C20orf203: variants seen among roughly 807,000 people sequenced by gnomAD.
C20orf203 encodes uncharacterized protein C20orf203.
C20orf203 carries 16 observed loss-of-function variants against 15.9 expected under a neutral mutation model. The observed-to-expected ratio is 1.01, with a 90% CI of 0.68 to 1.53. The LOEUF (loss-of-function observed/expected upper bound fraction) is 1.53, where lower values mean the gene tolerates loss of function less well. C20orf203 is among the 40% of genes most tolerant of loss of function. C20orf203 has a pLI of 0.00. For synonymous variants in C20orf203, 98 were observed against 97.2 expected (o/e 1.01, Z -0.05); for missense variants, 263 against 247.5 (o/e 1.06, Z -0.42).
rs886702941 is a variant in C20orf203 at position 32,670,070 on chromosome 20, C to T, written c.-264+3562G>A. 5.9e-5 allele frequency among the ~76,000 whole-genome samples: 9 copies of T among 152,076 alleles called. No individual in the cohort carries two copies. In the East Asian group the frequency reaches 7.7e-4, roughly 13 times the overall value. On this transcript the variant is annotated intron_variant, in intron 1 of 5. Transcript: ENST00000608990. ...TACAAAACTTAGCTGGGCATGGTGG[C>T]GTGTGCCTGTAATCCCATAATCCCA...
At position 32,637,040 on chromosome 20, in the gene C20orf203, G is replaced by A. The variant is rs6058771; in HGVS notation, c.*1300-2770C>T. Among the ~76,000 whole-genome samples the A allele has an allele frequency of 4.9e-3, 745 of 152,310 alleles. 5 individuals are homozygous for A. Among genetic ancestry groups the A allele is most frequent in the African/African-American group, 0.016 (680 of 41,558 alleles). On this transcript the variant is annotated intron_variant, in intron 5 of 5. Coordinates refer to ENST00000608990, the MANE Select transcript of C20orf203 (RefSeq NM_182584.4). ...GGCTGCTCTCTACCTCCCCAACCCT[G>A]CCAAGGCCAGGCCACAGAAGAGGCC...
At chr20:32,652,350 C>T (rs980956403) in intron 1 of C20orf203, among the ~76,000 whole-genome samples, 1 of 100,346 alleles carries the variant, frequency 1.0e-5, no homozygotes, top group Admixed American at 9.5e-5. Flanking sequence ...AAAAAAAAAG[C>T]AAATACCCCT....
At chr20:32,639,772 C>T (rs1429703621) in intron 5 of C20orf203, among the ~76,000 whole-genome samples, 1 of 152,040 alleles carries the variant, frequency 6.6e-6, no homozygotes, top group African/African-American at 2.4e-5. Context: ...CCACCTTGGC[C>T]ACTGCCCCCC....
chr20:32,671,496 A>G (rs1355945537), intron 1 of C20orf203, among the ~76,000 whole-genome samples: 1 of 152,180 alleles, frequency 6.6e-6, no homozygotes, highest in Non-Finnish European at 1.5e-5. Flanking sequence ...AAAGTAGAAG[A>G]AAGAAAAAAA....
At chr20:32,646,257 A>T (rs1276611596) in intron 4 of C20orf203, among the ~76,000 whole-genome samples, 3 of 149,326 alleles carry the variant, frequency 2.0e-5, no homozygotes, top group Non-Finnish European at 4.4e-5. Flanking sequence ...TTTTTGAGAC[A>T]GAGTCTGGCT....
At chr20:32,668,239 A>T (rs977250882) in intron 1 of C20orf203, among the ~76,000 whole-genome samples, 2 of 152,160 alleles carry the variant, frequency 1.3e-5, no homozygotes, top group South Asian at 4.2e-4. Context: ...CACTGTTATT[A>T]ACCTACAAGA....
At chr20:32,653,010 C>T (rs1480483776) in intron 1 of C20orf203, among the ~76,000 whole-genome samples, 1 of 152,210 alleles carries the variant, frequency 6.6e-6, no homozygotes, top group African/African-American at 2.4e-5. Flanking sequence ...TGTGCAAGCA[C>T]AGCCAGCAGC....
chr20:32,661,537 C>A (rs1395517182), intron 1 of C20orf203, among the ~76,000 whole-genome samples: 1 of 152,166 alleles, frequency 6.6e-6, no homozygotes, highest in Non-Finnish European at 1.5e-5. Context: ...GGCAGAATTT[C>A]TCTGGAAAGA....
At chr20:32,671,048 T>C (rs1157048991) in intron 1 of C20orf203, among the ~76,000 whole-genome samples, 1 of 148,802 alleles carries the variant, frequency 6.7e-6, no homozygotes, top group Non-Finnish European at 1.5e-5. Flanking sequence ...TTGGCAAGGA[T>C]GTGGAGAAGT....
At chr20:32,658,993 A>G (rs1243321959) in intron 1 of C20orf203, among the ~76,000 whole-genome samples, 1 of 151,936 alleles carries the variant, frequency 6.6e-6, no homozygotes, top group Non-Finnish European at 1.5e-5. Flanking sequence ...CTCTTGCCTC[A>G]GCCTCCCGAG....
intron 1 of C20orf203, chr20:32,656,472 G>C (rs999249612): frequency 6.6e-6 from 1 of 152,148 alleles, no homozygotes; most frequent in African/African-American, 2.4e-5. Context: ...GAAAAAGCCT[G>C]GCAGTTCAAA....
intron 1 of C20orf203, among the ~76,000 whole-genome samples, chr20:32,667,518 C>T (rs531017760): frequency 1.3e-5 from 2 of 152,346 alleles, no homozygotes; most frequent in South Asian, 2.1e-4. Context: ...CCATGTAACC[C>T]TGTTCCTATA....
chr20:32,659,209 A>G (rs529810557), intron 1 of C20orf203, among the ~76,000 whole-genome samples: 1 of 151,874 alleles, frequency 6.6e-6, no homozygotes, highest in East Asian at 2.0e-4. Flanking sequence ...CAGCTGGTGC[A>G]GCTGCTGCAC....
chr20:32,645,264 C>A (rs911712716), intron 4 of C20orf203, among the ~76,000 whole-genome samples: 18 of 152,178 alleles, frequency 1.2e-4, no homozygotes, highest in African/African-American at 4.1e-4. Context: ...GTATGCTAAG[C>A]CAAAGGCCAT....
chr20:32,650,518 G>A lies in C20orf203; in HGVS notation c.499C>T (p.Leu167Phe), dbSNP rs113908213. 9.6e-4 allele frequency: 1,484 copies of A among 1,550,484 alleles called. 20 individuals are homozygous for A. In the African/African-American group the frequency reaches 0.018, roughly 19 times the overall value. ...WTSTCFQDFC[L>F]PSLPGKLPAP... ...GGCAACTTGCCTGGCAAGGATGGGAGGCAGAAGTCCTGGAAACATGTTGAG... is the reference window on the plus strand; with the variant it reads ...GGCAACTTGCCTGGCAAGGATGGGAAGCAGAAGTCCTGGAAACATGTTGAG... The change falls in exon 4 of 6, where the codon CTC becomes TTC. Residue 167 changes from leucine (L) to phenylalanine (F), a missense_variant. Physicochemically the swap from Leu to Phe is conservative, Grantham distance 22. Coordinates refer to ENST00000608990, the MANE Select transcript of C20orf203 (RefSeq NM_182584.4).
chr20:32,643,310 A>T (rs895032569), intron 4 of C20orf203, among the ~76,000 whole-genome samples: 3 of 152,226 alleles, frequency 2.0e-5, no homozygotes, highest in Non-Finnish European at 4.4e-5. Context: ...GATGACAGTC[A>T]TGCTTACTTT....
At chr20:32,668,639 T>A (rs895413636) in intron 1 of C20orf203, among the ~76,000 whole-genome samples, 6 of 148,976 alleles carry the variant, frequency 4.0e-5, no homozygotes, top group Admixed American at 3.4e-4. Flanking sequence ...AAAAAATAAA[T>A]AAAAAAATAA....
At position 32,632,495 on chromosome 20, in the gene C20orf203, T is replaced by C. The variant is rs1012691319; in HGVS notation, c.*3075A>G. On this transcript the variant is annotated 3_prime_UTR_variant, in exon 6 of 6. Coordinates refer to ENST00000608990, the MANE Select transcript of C20orf203 (RefSeq NM_182584.4). ...CGCCCGGGAGAACCCATGTGCGCAC[T>C]GGAGCACATGCACGTGTGTTCCTGC... 6.6e-6 allele frequency: 1 copy of C among 152,192 alleles called. No individual in the cohort carries two copies. The highest frequency in any genetic ancestry group is 2.4e-5 in the African/African-American group (1 of 41,454). The allele number at this position is 152,192 out of a possible 1,614,324, so 9.4% of individuals were successfully genotyped here.
At chr20:32,641,323 C>G (rs8183188) in intron 4 of C20orf203, among the ~76,000 whole-genome samples, 2,806 of 119,480 alleles carry the variant, frequency 0.023, 158 homozygotes, top group East Asian at 0.17. Flanking sequence ...TGACAGAGCA[C>G]TCAAAAACTC....
Sources: gnomAD v4.1 joint callset for allele counts (sites outside exome capture counted in the v4.1 genomes callset) on GRCh38, gnomAD v4.1.1 for gene constraint, MANE v1.5 for transcripts, NCBI Gene and HGNC (gene_info 2026-07-23, HGNC 2026-07-21) for gene names.